PKHD1: variants seen among roughly 807,000 people sequenced by gnomAD.
The protein encoded by PKHD1 is fibrocystin.
A neutral mutation model predicts 412.0 loss-of-function variants in PKHD1; 291 were observed. The ratio of observed to expected loss-of-function variants is 0.71; its 90% CI spans 0.64 to 0.78. The LOEUF is 0.78. Ranked by LOEUF, PKHD1 falls within the 30% of genes least tolerant of loss-of-function variation. PKHD1 has a pLI of 0.00. For synonymous variants in PKHD1, 1,777 were observed against 1,821.5 expected, an observed-to-expected ratio of 0.98 and a Z score of 0.62; for missense variants, 4,825 against 4,950.7, an observed-to-expected ratio of 0.97 and a Z score of 0.76.
At chr6:51,996,222 G>C (rs539011584) in intron 35 of PKHD1, among the ~76,000 whole-genome samples, 1 of 147,692 alleles carries the variant, frequency 6.8e-6, no homozygotes, top group East Asian at 2.0e-4. Context: ...CATTGGCCAG[G>C]ATAGTCTCGA....
chr6:52,065,518 CA>C (rs1200226039), intron 12 of PKHD1, among the ~76,000 whole-genome samples: 2 of 152,000 alleles, frequency 1.3e-5, no homozygotes, highest in East Asian at 3.9e-4. Flanking sequence ...CAGGACCTGG[CA>C]AAACAAAAGG....
At chr6:51,700,978 C>A (rs371453203) in intron 60 of PKHD1, among the ~76,000 whole-genome samples, 2 of 152,054 alleles carry the variant, frequency 1.3e-5, no homozygotes, top group Non-Finnish European at 2.9e-5. Context: ...AGATTAAATT[C>A]TTGACTGGTT....
chr6:52,044,088 T>G (rs1805382272), intron 25 of PKHD1, among the ~76,000 whole-genome samples: 1 of 152,216 alleles, frequency 6.6e-6, no homozygotes. Flanking sequence ...AAGCTCTTTA[T>G]TTGCTAGTAA....
chr6:51,822,396 C>T (rs1282937903), intron 52 of PKHD1, among the ~76,000 whole-genome samples: 2 of 152,270 alleles, frequency 1.3e-5, no homozygotes, highest in Non-Finnish European at 2.9e-5. Flanking sequence ...CCTCCATCAT[C>T]GTGGTATTGC....
At position 52,045,045 on chromosome 6, in the gene PKHD1, G is replaced by A. The variant is rs141638079; in HGVS notation, c.2636C>T (p.Thr879Met). 81 of 1,612,952 alleles carry A rather than the reference G, an allele frequency of 5.0e-5. No homozygotes were observed. The highest frequency in any genetic ancestry group is 9.4e-5 in the African/African-American group (7 of 74,866). The change falls in exon 25 of 67, where the codon ACG becomes ATG. Residue 879 changes from threonine (T) to methionine (M), a missense_variant. By Grantham distance (81) the Thr-to-Met change is moderately conservative. Coordinates refer to ENST00000371117, the MANE Select transcript of PKHD1 (RefSeq NM_138694.4). ...NLTGVNPAAA[T>M]RVVYDGGVFL... ...AACTCCACCATCATATACCACACGC[G>A]TGGCTGCAGCAGGATTCACTCCAGT...
At chr6:51,982,890 T>A (rs9370089) in intron 35 of PKHD1, among the ~76,000 whole-genome samples, 2,382 of 36,770 alleles carry the variant, frequency 0.065, 56 homozygotes, top group African/African-American at 0.11. Context: ...TAAAATAAAA[T>A]AAAAAAAAGA....
chr6:51,840,246 T>C (rs528502468), intron 50 of PKHD1, among the ~76,000 whole-genome samples: 1 of 152,090 alleles, frequency 6.6e-6, no homozygotes, highest in Non-Finnish European at 1.5e-5. Context: ...CACACTCCTG[T>C]CTGATTCCAG....
chr6:51,650,733 A>G (rs1770812942), intron 61 of PKHD1, among the ~76,000 whole-genome samples: 1 of 152,128 alleles, frequency 6.6e-6, no homozygotes, highest in African/African-American at 2.4e-5. Context: ...ATGTGGTCCT[A>G]AGAAGCTCTT....
chr6:51,634,914 T>A (rs1768338926), intron 64 of PKHD1, among the ~76,000 whole-genome samples: 1 of 152,118 alleles, frequency 6.6e-6, no homozygotes, highest in African/African-American at 2.4e-5. Context: ...GAAGAAAAGA[T>A]TCTTTTTTAT....
At position 52,069,441 on chromosome 6, in the gene PKHD1, T is replaced by G; in HGVS notation, c.778+16A>C. On this transcript the variant is annotated intron_variant, in intron 11 of 66. Transcript: ENST00000371117. Reference sequence around the variant, plus strand: ...GAGGCACAAGGGAAGGGGTACTTGGTGAAGGGGGATAGTACCTGAGTGTGT... The same window carrying G: ...GAGGCACAAGGGAAGGGGTACTTGGGGAAGGGGGATAGTACCTGAGTGTGT... 1 of 1,583,634 alleles carries G rather than the reference T, an allele frequency of 6.3e-7. No homozygotes were observed. Among genetic ancestry groups the G allele is most frequent in the Non-Finnish European group, 8.7e-7 (1 of 1,152,256 alleles).
At chr6:52,039,864 G>A (rs1031884599) in intron 27 of PKHD1, among the ~76,000 whole-genome samples, 13 of 152,166 alleles carry the variant, frequency 8.5e-5, no homozygotes, top group African/African-American at 2.7e-4. Flanking sequence ...AAATGCACAT[G>A]ATGAGATGGA....
rs1359582049 is a variant in PKHD1, at chr6:51,960,046, G to C, written c.5752-20C>G. 6.2e-7 allele frequency: 1 copy of C among 1,612,782 alleles called. No homozygotes were observed. Among genetic ancestry groups the C allele is most frequent in the South Asian group, 1.1e-5 (1 of 91,054 alleles). ...GTTGCCCTGGAAAACAGAGAGCTGGGTTGGTGGGTTGGTTGGTTGGTTGGC... is the reference window on the plus strand; with the variant it reads ...GTTGCCCTGGAAAACAGAGAGCTGGCTTGGTGGGTTGGTTGGTTGGTTGGC... On this transcript the variant is annotated intron_variant, in intron 35 of 66. Transcript: ENST00000371117.
In PKHD1 at chr6:52,060,111, C is replaced by T. The variant is rs533384476; in HGVS notation, c.1119-69G>A. The T allele has an allele frequency of 6.1e-6, 5 of 825,444 alleles. No homozygotes were observed. In the East Asian group the frequency reaches 9.8e-5, roughly 16 times the overall value. The allele number at this position is 825,444 out of a possible 1,614,324, so 51.1% of individuals were successfully genotyped here. ...GAATCACTGAACCAACAAATGACTG[C>T]CCTTGTACTTTGTCTTCTTTTATGG... On this transcript the variant is annotated intron_variant, in intron 14 of 66. Coordinates refer to ENST00000371117, the MANE Select transcript of PKHD1 (RefSeq NM_138694.4).
At chr6:51,807,880 G>A (rs1396659028) in intron 52 of PKHD1, among the ~76,000 whole-genome samples, 1 of 152,042 alleles carries the variant, frequency 6.6e-6, no homozygotes, top group Admixed American at 6.6e-5. Context: ...CTGTAGAGAT[G>A]GAAAGTAGAT....
chr6:51,626,648 C>G (rs1767277484), intron 66 of PKHD1, among the ~76,000 whole-genome samples: 3 of 152,144 alleles, frequency 2.0e-5, no homozygotes, highest in Admixed American at 2.0e-4. Context: ...TCTTCTTTCC[C>G]AAATTCAATA....
chr6:51,736,556 G>A (rs1387127952), intron 60 of PKHD1, among the ~76,000 whole-genome samples: 1 of 152,014 alleles, frequency 6.6e-6, no homozygotes, highest in African/African-American at 2.4e-5. Flanking sequence ...CATGACATCT[G>A]GAATCCTAAA....
At chr6:51,968,545 T>C (rs1793188117) in intron 35 of PKHD1, among the ~76,000 whole-genome samples, 1 of 152,184 alleles carries the variant, frequency 6.6e-6, no homozygotes, top group Non-Finnish European at 1.5e-5. Context: ...CCTGTCTTCT[T>C]GTTGACATCA....
At chr6:51,792,808 TC>T (rs1793963143) in intron 52 of PKHD1, among the ~76,000 whole-genome samples, 1 of 152,168 alleles carries the variant, frequency 6.6e-6, no homozygotes, top group Non-Finnish European at 1.5e-5. Flanking sequence ...CCTCACTGGC[TC>T]CACCACTCTC....
chr6:51,799,151 A>G lies in PKHD1; in HGVS notation c.8303-7778T>C, dbSNP rs534184455. On this transcript the variant is annotated intron_variant, in intron 52 of 66. Transcript: ENST00000371117. ...TATTTAACCCATAATAGATGGTCAA[A>G]ATTAACACCACACACACACACACAA... 1.3e-4 allele frequency among the ~76,000 whole-genome samples: 15 copies of G among 116,170 alleles called. No homozygotes were observed. In the East Asian group the frequency reaches 4.5e-3, roughly 35 times the overall value. The allele number at this position is 116,170 out of a possible 152,430, so 76.2% of individuals were successfully genotyped here.
Sources: allele counts gnomAD v4.1 joint callset (sites outside exome capture counted in the v4.1 genomes callset), GRCh38; gene constraint gnomAD v4.1.1; transcripts MANE v1.5; gene names NCBI Gene and HGNC (gene_info 2026-07-23, HGNC 2026-07-21).